Variants in PDP1 observed in about 807,000 individuals in gnomAD.
The protein encoded by PDP1 is pyruvate dehydrogenase phosphatase catalytic subunit 1, also known as pyruvate dehyrogenase phosphatase catalytic subunit 1.
Under a neutral mutation model 37.1 loss-of-function variants are expected in PDP1, and 14 were observed. The ratio of observed to expected loss-of-function variants is 0.38; its 90% confidence interval spans 0.25 to 0.59. The LOEUF (loss-of-function observed/expected upper bound fraction) is 0.59, where lower values mean the gene tolerates loss of function less well. PDP1 is among the 20% of genes least tolerant of loss of function. The pLI, the probability that PDP1 is intolerant of heterozygous loss-of-function variation, is 0.67. For synonymous variants in PDP1, 251 were observed against 243.3 expected, an observed-to-expected ratio of 1.03 and a Z score of -0.29; for missense variants, 544 against 655.3, an observed-to-expected ratio of 0.83 and a Z score of 1.85.
At chr8:93,919,347 G>A (rs1245635484) in intron 1 of PDP1, among the ~76,000 whole-genome samples, 4 of 152,192 alleles carry the variant, frequency 2.6e-5, no homozygotes, top group Non-Finnish European at 5.9e-5. Flanking sequence ...GACCAACATG[G>A]TGAAACCCCA....
At position 93,922,180 on chromosome 8, in the gene PDP1, C is replaced by T; in HGVS notation, c.121C>T (p.Gln41Ter). The T allele has an allele frequency of 6.2e-7, 1 of 1,614,216 alleles. No homozygotes were observed. The highest frequency in any genetic ancestry group is 1.1e-5 in the South Asian group (1 of 91,082). Residue 41 changes from glutamine to a stop codon, truncating the protein, a stop_gained, in exon 2 of 2, where the codon CAG (glutamine) becomes TAG (stop). Coordinates refer to ENST00000297598, the MANE Select transcript of PDP1 (RefSeq NM_018444.4). LOFTEE classifies it high-confidence loss of function. This position sits in a 1 kb window ranked among gnomAD's most constrained non-coding sequence, Gnocchi z 4.0. ...CTGTTGTTCCTCATCGTACATTCCTCAGAGTCGACTGAGATACACACCTCA... is the reference window on the plus strand; with the variant it reads ...CTGTTGTTCCTCATCGTACATTCCTTAGAGTCGACTGAGATACACACCTCA... The part of the protein sequence containing the change: ...HLCCSSSYIP[Q>*]SRLRYTPHPA...
At chr8:93,920,624 T>C (rs561994494) in intron 1 of PDP1, 33 of 957,162 alleles carry the variant, frequency 3.4e-5, no homozygotes, top group Middle Eastern at 5.3e-4. Context: ...TAGTGAGTGA[T>C]AGGATTTTTT....
Position 93,923,018 on chromosome 8 carries a change from G to A in PDP1, c.959G>A (p.Arg320Lys). Residue 320 changes from arginine (R) to lysine (K), a missense_variant, in exon 2 of 2, where the codon AGA becomes AAA. Coordinates refer to ENST00000297598, the MANE Select transcript of PDP1 (RefSeq NM_018444.4). This position sits in a 1 kb window ranked among gnomAD's most constrained non-coding sequence, Gnocchi z 4.3. ...AATGACCACAATGCTCAAAATGAAA[G>A]AGAACTAGAACGGCTGAAATTGGAA... is the stretch of plus-strand genomic sequence containing the variant. ...LSNDHNAQNE[R>K]ELERLKLEHP... The A allele has an allele frequency of 6.2e-7, 1 of 1,614,170 alleles. No individual in the cohort carries two copies. Among genetic ancestry groups the A allele is most frequent in the African/African-American group, 1.3e-5 (1 of 75,058 alleles).
At chr8:93,921,049 T>G (rs1196283168) in intron 1 of PDP1, 3 of 984,122 alleles carry the variant, frequency 3.0e-6, no homozygotes, top group Non-Finnish European at 3.6e-6. Context: ...AACAAAGCTT[T>G]AGAGCTACTG....
At chr8:93,917,738 T>G in intron 1 of PDP1, 6 of 873,894 alleles carry the variant, frequency 6.9e-6, no homozygotes, top group African/African-American at 1.7e-5. Context: ...CCCCCCCACC[T>G]CCCAGCCCAT....
rs1396309305 is a variant in PDP1, at chr8:93,925,965, C to T, written c.*2292C>T. On this transcript the variant is annotated 3_prime_UTR_variant, in exon 2 of 2. Coordinates refer to ENST00000297598, the MANE Select transcript of PDP1 (RefSeq NM_018444.4). ...ACAGAGTACCATATTGCTAAGAAAA[C>T]TGTCTTATAAAAGATGTATATGTGT... 2 of 166,744 alleles carry T rather than the reference C, an allele frequency of 1.2e-5. No homozygotes were observed. Among genetic ancestry groups the T allele is most frequent in the African/African-American group, 4.8e-5 (2 of 41,386 alleles). The allele number at this position is 166,744 out of a possible 1,614,324, so 10.3% of individuals were successfully genotyped here. A position where few individuals can be genotyped will look rare whatever the true frequency, so the allele number is the denominator to read the frequency against.
intron 1 of PDP1, among the ~76,000 whole-genome samples, chr8:93,920,211 A>G (rs1810226617): frequency 6.6e-6 from 1 of 152,202 alleles, no homozygotes. Context: ...TTACAGAAAC[A>G]AACAAGAATC....
Position 93,923,210 on chromosome 8 carries a change from T to G in PDP1, c.1151T>G (p.Phe384Cys). Residue 384 changes from phenylalanine (F) to cysteine (C), a missense_variant, in exon 2 of 2, where the codon TTT becomes TGT. Transcript: ENST00000297598. This position sits in a 1 kb window ranked among gnomAD's most constrained non-coding sequence, Gnocchi z 4.3. ...TTGAATGACAATGAATATACCAAGT[T>G]TATTCCTCCTAATTATCACACACCT... ...DQLNDNEYTK[F>C]IPPNYHTPPY... The G allele has an allele frequency of 6.2e-7, 1 of 1,613,632 alleles. No homozygotes were observed. The highest frequency in any genetic ancestry group is 8.5e-7 in the Non-Finnish European group (1 of 1,179,508).
rs1810369140 is a variant in PDP1, at chr8:93,924,026, GT to G, written c.*355del. ...GTATCTTGCTGTGTGTAGTCTCTTG[GT>G]TAAAGTGAAGAAACAGTACTGTTCA... On this transcript the variant is annotated 3_prime_UTR_variant, in exon 2 of 2. Transcript: ENST00000297598. 1 of 325,396 alleles carries G rather than the reference GT, an allele frequency of 3.1e-6. No homozygotes were observed. The highest frequency in any genetic ancestry group is 7.8e-5 in the East Asian group (1 of 12,782). The allele number at this position is 325,396 out of a possible 1,614,324, so 20.2% of individuals were successfully genotyped here.
chr8:93,921,445 G>A (rs1300282679), intron 1 of PDP1: 3 of 410,170 alleles, frequency 7.3e-6, no homozygotes, highest in Non-Finnish European at 9.9e-6. Context: ...GCATATTACT[G>A]TAGTCATATA....
rs532831481 is a variant in PDP1 at position 93,917,051 on chromosome 8, A to G, written c.-73A>G. 4.2e-6 allele frequency: 2 copies of G among 479,738 alleles called. No individual in the cohort carries two copies. The highest frequency in any genetic ancestry group is 2.1e-5 in the Admixed American group (1 of 46,816). 29.7% of individuals were successfully genotyped at this position (479,738 alleles called of 1,614,324 possible). A position where few individuals can be genotyped will look rare whatever the true frequency, so the allele number is the denominator to read the frequency against. On this transcript the variant is annotated 5_prime_UTR_variant, in exon 1 of 2. Coordinates refer to ENST00000297598, the MANE Select transcript of PDP1 (RefSeq NM_018444.4). The stretch of plus-strand genomic sequence containing the variant: ...TCGTTGTCGCCCCCTCCTCGTCGGG[A>G]AGAATCGTTTGGTCTCCTGCCGTGC...
chr8:93,924,720 A>G lies in PDP1; in HGVS notation c.*1047A>G, dbSNP rs1034138769. 1 of 167,122 alleles carries G rather than the reference A, an allele frequency of 6.0e-6. No individual in the cohort carries two copies. The highest frequency in any genetic ancestry group is 1.5e-5 in the Non-Finnish European group (1 of 68,116). 10.4% of individuals were successfully genotyped at this position (167,122 alleles called of 1,614,324 possible). ...AGTTTCTGTTTTTCTCCATTTAGAC[A>G]TAGGTCAATTAAAATATTTGGGTTT... On this transcript the variant is annotated 3_prime_UTR_variant, in exon 2 of 2. Transcript: ENST00000297598.
At position 93,917,006 on chromosome 8, in the gene PDP1, A is replaced by G; in HGVS notation, c.-118A>G. ...CGGGAGCTGCACGGGGCTGCGTGGA[A>G]AGAGCGCCGAGCGGTGGCGTCGTTG... On this transcript the variant is annotated 5_prime_UTR_variant, in exon 1 of 2. Transcript: ENST00000297598. The G allele has an allele frequency of 2.1e-6, 1 of 477,710 alleles. No individual in the cohort carries two copies. Among genetic ancestry groups the G allele is most frequent in the South Asian group, 1.5e-5 (1 of 66,736 alleles). The allele number at this position is 477,710 out of a possible 1,614,324, so 29.6% of individuals were successfully genotyped here.
At chr8:93,917,744 C>G in intron 1 of PDP1, 1 of 1,476,770 alleles carries the variant, frequency 6.8e-7, no homozygotes, top group East Asian at 2.5e-5. Flanking sequence ...CACCTCCCAG[C>G]CCATTCACCG....
chr8:93,922,824 T>C lies in PDP1; in HGVS notation c.765T>C (p.Asp255=). 6.2e-7 allele frequency: 1 copy of C among 1,614,204 alleles called. No individual in the cohort carries two copies. The highest frequency in any genetic ancestry group is 8.5e-7 in the Non-Finnish European group (1 of 1,180,028). ...NDISLEAQVG[D]PNSFLNYLVL... is the part of the protein sequence containing the mutation. ...TCTCCTTGGAGGCGCAAGTTGGTGA[T>C]CCTAATTCTTTTCTCAACTACCTGG... is the stretch of plus-strand genomic sequence containing the variant. The change falls in exon 2 of 2, where the codon GAT becomes GAC. Residue 255 remains aspartate, a synonymous_variant. Coordinates refer to ENST00000297598, the MANE Select transcript of PDP1 (RefSeq NM_018444.4). This position sits in a 1 kb window ranked among gnomAD's most constrained non-coding sequence, Gnocchi z 4.0.
Position 93,923,754 on chromosome 8 carries a change from C to T in PDP1, c.*81C>T. The T allele has an allele frequency of 8.8e-7, 1 of 1,134,746 alleles. No homozygotes were observed. Among genetic ancestry groups the T allele is most frequent in the Non-Finnish European group, 1.3e-6 (1 of 746,304 alleles). 70.3% of individuals were successfully genotyped at this position (1,134,746 alleles called of 1,614,324 possible). On this transcript the variant is annotated 3_prime_UTR_variant, in exon 2 of 2. Coordinates refer to ENST00000297598, the MANE Select transcript of PDP1 (RefSeq NM_018444.4). The surrounding 1 kb of genome is among the most constrained non-coding windows in gnomAD (Gnocchi z 4.3). ...TTTAAAAAGATACTACTATAATAAA[C>T]ATTTCCAGTTGGTCATTCTAAGCAT... is the stretch of plus-strand genomic sequence containing the variant.
chr8:93,917,584 A>G (rs1810112937), intron 1 of PDP1, among the ~76,000 whole-genome samples: 1 of 152,020 alleles, frequency 6.6e-6, no homozygotes, highest in African/African-American at 2.4e-5. Context: ...CCCCGGCTGG[A>G]TGGAGGGGCT....
chr8:93,921,008 A>G, intron 1 of PDP1: 1 of 984,572 alleles, frequency 1.0e-6, no homozygotes, highest in Non-Finnish European at 1.2e-6. Flanking sequence ...TAGGTAAATT[A>G]AGTTCTAGGA....
chr8:93,921,716 ATCTGTT>A, intron 1 of PDP1: 1 of 248,564 alleles, frequency 4.0e-6, no homozygotes, highest in Non-Finnish European at 7.7e-6. Flanking sequence ...CCCCAGCCAA[ATCTGTT>A]GTACATTCTG....
Sources: allele counts gnomAD v4.1 joint callset (sites outside exome capture counted in the v4.1 genomes callset), GRCh38; gene constraint gnomAD v4.1.1; non-coding constraint Gnocchi (gnomAD v3.1); transcripts MANE v1.5; gene names NCBI Gene and HGNC (gene_info 2026-07-23, HGNC 2026-07-21).